Variants in CFAP36 observed in about 807,000 individuals in gnomAD.
The protein encoded by CFAP36 is cilia- and flagella-associated protein 36.
A neutral mutation model predicts 50.5 loss-of-function variants in CFAP36; 37 were observed. That is an observed-to-expected ratio of 0.73 (90% CI 0.56 to 0.96). The LOEUF is 0.96. Ranked by LOEUF, CFAP36 falls within the 50% of genes least tolerant of loss-of-function variation. The pLI is 0.00. For synonymous variants in CFAP36, 138 were observed against 128.2 expected (o/e 1.08, Z -0.52); for missense variants, 407 against 396.2 (o/e 1.03, Z -0.23).
intron 6 of CFAP36, among the ~76,000 whole-genome samples, chr2:55,536,527 T>C (rs951161632): frequency 6.6e-6 from 1 of 152,006 alleles, no homozygotes; most frequent in African/African-American, 2.4e-5. Flanking sequence ...CTCGGCTCAC[T>C]GCAACCTCTG....
At chr2:55,520,175 G>A (rs762738884) in intron 1 of CFAP36, among the ~76,000 whole-genome samples, 73 of 152,156 alleles carry the variant, frequency 4.8e-4, no homozygotes, top group Non-Finnish European at 6.5e-4. Flanking sequence ...CTTCTCTGGG[G>A]CCGAAGCGCA....
intron 6 of CFAP36, among the ~76,000 whole-genome samples, 169 bp from the exon 7 acceptor site, chr2:55,537,314 T>C (rs1042763563): frequency 1.3e-5 from 2 of 152,004 alleles, no homozygotes; most frequent in African/African-American, 4.8e-5. Context: ...GAGGTTGCAG[T>C]GAGTCAGGAT....
chr2:55,542,478 A>G (rs778226993), intron 7 of CFAP36, among the ~76,000 whole-genome samples: 121 of 152,288 alleles, frequency 7.9e-4, no homozygotes, highest in South Asian at 1.9e-3. Context: ...CCTGCCAGCA[A>G]TGGATAGTGT....
chr2:55,534,433 AGAT>A (rs1198280797), intron 5 of CFAP36, among the ~76,000 whole-genome samples: 1 of 152,260 alleles, frequency 6.6e-6, no homozygotes, highest in East Asian at 1.9e-4. Context: ...CGTCTATCCC[AGAT>A]GAGTATCTTG....
At chr2:55,520,162 C>T (rs1157988839) in intron 1 of CFAP36, among the ~76,000 whole-genome samples, 1 of 152,186 alleles carries the variant, frequency 6.6e-6, no homozygotes, top group Non-Finnish European at 1.5e-5. Flanking sequence ...GACCGAGACT[C>T]CCCTTCTCTG....
At chr2:55,536,134 ATT>A (rs112367385) in intron 6 of CFAP36, among the ~76,000 whole-genome samples, 17 of 136,910 alleles carry the variant, frequency 1.2e-4, no homozygotes, top group Admixed American at 1.5e-4. Context: ...ACAGAACAAC[ATT>A]TTTTTTTTTT....
chr2:55,538,819 A>C (rs759966681), intron 7 of CFAP36: 1 of 1,540,736 alleles, frequency 6.5e-7, no homozygotes, highest in East Asian at 2.4e-5. Flanking sequence ...TCAATGGTGA[A>C]ATTATGACTT....
chr2:55,520,552 G>T (rs1025884003), intron 1 of CFAP36: 2 of 1,151,510 alleles, frequency 1.7e-6, no homozygotes, highest in Non-Finnish European at 2.4e-6. Context: ...CAAATGAGGC[G>T]TATAGATATG....
intron 7 of CFAP36, among the ~76,000 whole-genome samples, chr2:55,538,582 C>G (rs1164728209): frequency 6.6e-6 from 1 of 152,048 alleles, no homozygotes; most frequent in Non-Finnish European, 1.5e-5. Context: ...GCATGAGCCA[C>G]TGTGCCTGGC....
At position 55,522,835 on chromosome 2, in the gene CFAP36, C is replaced by G. The variant is rs188462662; in HGVS notation, c.180+669C>G. On this transcript the variant is annotated intron_variant, in intron 2 of 9. Transcript: ENST00000349456. ...TGGCAGTGGGGCTCAGTGGCTCACACCTATAATCCCAGCACTTTGGAGGCC... is the reference window on the plus strand; with the variant it reads ...TGGCAGTGGGGCTCAGTGGCTCACAGCTATAATCCCAGCACTTTGGAGGCC... 1.6e-3 allele frequency among the ~76,000 whole-genome samples: 244 copies of G among 152,192 alleles called. 2 individuals carry two copies. In the Middle Eastern group the frequency reaches 0.024, roughly 15 times the overall value.
intron 4 of CFAP36, 58 bp from the exon 5 acceptor site, chr2:55,533,815 G>A (rs1249454614): frequency 1.9e-6 from 2 of 1,034,402 alleles, no homozygotes; most frequent in Non-Finnish European, 2.9e-6. Flanking sequence ...AGAACAGTGA[G>A]AAATATATGT....
rs552059433 is a variant in CFAP36 at position 55,520,765 on chromosome 2, A to G, written c.115+849A>G. Among the ~76,000 whole-genome samples the G allele has an allele frequency of 1.3e-3, 191 of 152,330 alleles. 2 individuals are homozygous for G. Among genetic ancestry groups the G allele is most frequent in the Non-Finnish European group, 2.3e-3 (155 of 68,026 alleles). On this transcript the variant is annotated intron_variant, in intron 1 of 9. Coordinates refer to ENST00000349456, the MANE Select transcript of CFAP36 (RefSeq NM_080667.7). Reference sequence around the variant, plus strand: ...TTGAGGGTAGTAGTATTCATCAATTATTTGAACATCTGCTTTGTGTTGTAA... The same window carrying G: ...TTGAGGGTAGTAGTATTCATCAATTGTTTGAACATCTGCTTTGTGTTGTAA...
In CFAP36 at chr2:55,537,472, G is replaced by C. The variant is rs1331871124; in HGVS notation, c.538-11G>C. The stretch of plus-strand genomic sequence containing the variant: ...GTGTTTTTTAAAAAATTGTATTATG[G>C]AATCCTGAAGTTATCAGAGGCTAAA... On this transcript the variant is annotated splice_polypyrimidine_tract_variant and intron_variant, in intron 6 of 9. Coordinates refer to ENST00000349456, the MANE Select transcript of CFAP36 (RefSeq NM_080667.7). The C allele has an allele frequency of 1.3e-6, 2 of 1,571,786 alleles. No individual in the cohort carries two copies.
intron 4 of CFAP36, among the ~76,000 whole-genome samples, chr2:55,529,291 G>A (rs1289732548): frequency 3.3e-5 from 5 of 151,830 alleles, no homozygotes; most frequent in Non-Finnish European, 5.9e-5. Flanking sequence ...GCGTGGTGGC[G>A]GGCACCTGTA....
intron 4 of CFAP36, among the ~76,000 whole-genome samples, chr2:55,533,137 C>T (rs1684393857): frequency 6.6e-6 from 1 of 152,144 alleles, no homozygotes; most frequent in Non-Finnish European, 1.5e-5. Flanking sequence ...AATGCTATTT[C>T]AATTAGCAAA....
At chr2:55,531,555 C>G (rs1684350561) in intron 4 of CFAP36, among the ~76,000 whole-genome samples, 1 of 152,128 alleles carries the variant, frequency 6.6e-6, no homozygotes, top group Non-Finnish European at 1.5e-5. Context: ...AATCAAGGAC[C>G]CCGACACTTT....
intron 4 of CFAP36, among the ~76,000 whole-genome samples, chr2:55,531,960 T>A (rs1228081537): frequency 6.6e-6 from 1 of 152,192 alleles, no homozygotes; most frequent in African/African-American, 2.4e-5. Flanking sequence ...GGCCACAGCA[T>A]GGGGCATTTT....
intron 4 of CFAP36, chr2:55,530,865 T>TGAGATCCAA (rs1684335273): frequency 6.6e-6 from 1 of 152,192 alleles, no homozygotes; most frequent in East Asian, 1.9e-4. Flanking sequence ...CTTGAAGATA[T>TGAGATCCAA]GAGATCTATA....
At chr2:55,541,847 G>GA (rs5831370) in intron 7 of CFAP36, among the ~76,000 whole-genome samples, 1,777 of 151,978 alleles carry the variant, frequency 0.012, 40 homozygotes, top group African/African-American at 0.041. Context: ...AGAGTTTTTC[G>GA]TACTCTTTAT....
Sources: allele counts gnomAD v4.1 joint callset (sites outside exome capture counted in the v4.1 genomes callset), GRCh38; gene constraint gnomAD v4.1.1; transcripts MANE v1.5; gene names NCBI Gene and HGNC (gene_info 2026-07-23, HGNC 2026-07-21).